The following SEMA3A variants were observed in gnomAD, a reference collection of about 807,000 sequenced individuals.
SEMA3A encodes semaphorin-3A.
In SEMA3A, 29 loss-of-function variants were observed where a neutral mutation model predicts 97.9. That is an observed-to-expected ratio of 0.30 (90% confidence interval 0.22 to 0.40). SEMA3A has a LOEUF of 0.40. SEMA3A is among the 10% of genes least tolerant of loss of function. SEMA3A has a pLI of 1.00. For missense variants in SEMA3A, 763 were observed against 951.3 expected (o/e 0.80, Z 2.60); for synonymous variants, 321 against 323.7 (o/e 0.99, Z 0.09).
At chr7:84,266,565 A>T (rs1800009528) in intron 3 of SEMA3A, among the ~76,000 whole-genome samples, 1 of 152,084 alleles carries the variant, frequency 6.6e-6, no homozygotes, top group African/African-American at 2.4e-5. Flanking sequence ...CCAGAGAGAA[A>T]GGTGTACTAC....
In SEMA3A at chr7:84,102,544, G is replaced by A. The variant is rs542617287; in HGVS notation, c.453+7926C>T. ...CAGGGCTATAAAATTAGGGCAAGGAGAGTATCCTCTGGTGTGAATACAGAG... is the reference window on the plus strand; with the variant it reads ...CAGGGCTATAAAATTAGGGCAAGGAAAGTATCCTCTGGTGTGAATACAGAG... On this transcript the variant is annotated intron_variant, in intron 4 of 16. Transcript: ENST00000265362. 2.7e-5 allele frequency among the ~76,000 whole-genome samples: 4 copies of A among 147,842 alleles called. No individual in the cohort carries two copies. The South Asian group carries it at 8.7e-4, about 32-fold the overall frequency.
chr7:84,020,515 T>C (rs997546099), intron 6 of SEMA3A, among the ~76,000 whole-genome samples: 11 of 152,228 alleles, frequency 7.2e-5, no homozygotes, highest in African/African-American at 2.4e-4. Context: ...TAATTTATCA[T>C]ATCTATTTCT....
chr7:84,415,393 T>C (rs1804405289), intron 1 of SEMA3A, among the ~76,000 whole-genome samples: 1 of 152,132 alleles, frequency 6.6e-6, no homozygotes, highest in African/African-American at 2.4e-5. Flanking sequence ...TTTTGCTTAA[T>C]ATTAATATAT....
At chr7:84,289,482 T>A (rs1800686717) in intron 3 of SEMA3A, among the ~76,000 whole-genome samples, 1 of 151,996 alleles carries the variant, frequency 6.6e-6, no homozygotes, top group African/African-American at 2.4e-5. Context: ...CTATACCCCA[T>A]AAATATGTAC....
intron 3 of SEMA3A, among the ~76,000 whole-genome samples, chr7:84,119,972 A>G (rs1583994601): frequency 6.6e-6 from 1 of 152,140 alleles, no homozygotes; most frequent in East Asian, 1.9e-4. Context: ...CAAATATTTT[A>G]TCTTCATTTC....
chr7:84,127,698 A>ATCT (rs1795842081), intron 3 of SEMA3A, among the ~76,000 whole-genome samples: 1 of 152,180 alleles, frequency 6.6e-6, no homozygotes, highest in African/African-American at 2.4e-5. Context: ...TTGCTGCTAG[A>ATCT]TTGAGTCAGT....
intron 3 of SEMA3A, among the ~76,000 whole-genome samples, chr7:84,300,032 C>CAAAAAAAAAAAAAAAAAA (rs58929555): frequency 3.8e-5 from 2 of 53,284 alleles, no homozygotes; most frequent in African/African-American, 7.0e-5. Context: ...GACTCAGTCA[C>CAAAAAAAAAAAAAAAAAA]AAAAAAAAAA....
At chr7:84,481,687 C>T (rs776674190) in intron 1 of SEMA3A, among the ~76,000 whole-genome samples, 9 of 152,122 alleles carry the variant, frequency 5.9e-5, no homozygotes, top group Non-Finnish European at 1.0e-4. Context: ...AATTATATTG[C>T]ACCATCTTCA....
intron 1 of SEMA3A, among the ~76,000 whole-genome samples, chr7:84,402,225 C>T (rs1362569064): frequency 1.3e-5 from 2 of 152,070 alleles, no homozygotes; most frequent in South Asian, 2.1e-4. Flanking sequence ...AAAATCGACA[C>T]CACGGCTGGG....
chr7:84,383,104 T>C (rs1044328776), intron 1 of SEMA3A, among the ~76,000 whole-genome samples: 13 of 152,046 alleles, frequency 8.6e-5, no homozygotes, highest in African/African-American at 2.9e-4. Flanking sequence ...TAAGAAGATA[T>C]GAATAAAAAA....
intron 2 of SEMA3A, among the ~76,000 whole-genome samples, chr7:84,319,843 TTG>T (rs1210053913): frequency 6.6e-6 from 1 of 152,192 alleles, no homozygotes; most frequent in Non-Finnish European, 1.5e-5. Flanking sequence ...AATCACAAAT[TTG>T]TGTTTTTCAA....
chr7:84,242,504 C>T (rs1157707400), intron 3 of SEMA3A, among the ~76,000 whole-genome samples: 1 of 152,142 alleles, frequency 6.6e-6, no homozygotes, highest in Admixed American at 6.6e-5. Context: ...AGTTGCTTAT[C>T]TGCTTAAGGT....
intron 4 of SEMA3A, among the ~76,000 whole-genome samples, chr7:84,074,820 A>C (rs2115769085): frequency 6.7e-6 from 1 of 148,890 alleles, no homozygotes. Flanking sequence ...CTATTTTTTC[A>C]AAAATTCTAC....
chr7:84,099,281 A>G (rs1394489204), intron 4 of SEMA3A, among the ~76,000 whole-genome samples: 10 of 57,936 alleles, frequency 1.7e-4, no homozygotes, highest in African/African-American at 3.5e-4. Context: ...CGTGTTAGCC[A>G]GGATGGTCTC....
At chr7:84,305,238 T>TA (rs752314875) in intron 3 of SEMA3A, among the ~76,000 whole-genome samples, 2,767 of 118,136 alleles carry the variant, frequency 0.023, 74 homozygotes, top group African/African-American at 0.076. Context: ...TTACTTCCAG[T>TA]AAAAAAAAAA....
At chr7:84,061,172 T>G (rs547576992) in intron 4 of SEMA3A, among the ~76,000 whole-genome samples, 33 of 152,246 alleles carry the variant, frequency 2.2e-4, no homozygotes, top group African/African-American at 7.0e-4. Context: ...TATCCCAGGT[T>G]AGGAGAGCAG....
At chr7:84,064,575 A>G (rs1485195228) in intron 4 of SEMA3A, among the ~76,000 whole-genome samples, 2 of 151,870 alleles carry the variant, frequency 1.3e-5, no homozygotes, top group East Asian at 1.9e-4. Flanking sequence ...ATGGAGGAAG[A>G]TCTACCAAGC....
intron 3 of SEMA3A, among the ~76,000 whole-genome samples, chr7:84,295,757 C>A (rs1800854231): frequency 6.6e-6 from 1 of 151,684 alleles, no homozygotes; most frequent in Non-Finnish European, 1.5e-5. Context: ...CATTTTGTAC[C>A]TCTTCTTGGT....
At chr7:84,041,292 T>C (rs2116487804) in intron 6 of SEMA3A, among the ~76,000 whole-genome samples, 1 of 152,228 alleles carries the variant, frequency 6.6e-6, no homozygotes, top group African/African-American at 2.4e-5. Flanking sequence ...TTTTGGTAAC[T>C]TTTAGTTCTT....
Sources: gnomAD v4.1 joint callset for allele counts (sites outside exome capture counted in the v4.1 genomes callset) on GRCh38, gnomAD v4.1.1 for gene constraint, MANE v1.5 for transcripts, NCBI Gene and HGNC (gene_info 2026-07-23, HGNC 2026-07-21) for gene names.